Variants in CTNNA3 observed in about 807,000 individuals in gnomAD.
The protein encoded by CTNNA3 is catenin alpha-3.
Under a neutral mutation model 95.7 loss-of-function variants are expected in CTNNA3, and 76 were observed. The ratio of observed to expected loss-of-function variants is 0.79; its 90% CI spans 0.66 to 0.96. CTNNA3 has a LOEUF of 0.96. CTNNA3 is among the 40% of genes least tolerant of loss of function. The pLI, the probability that CTNNA3 is intolerant of heterozygous loss-of-function variation, is 0.00. For synonymous variants in CTNNA3, 431 were observed against 374.4 expected, an observed-to-expected ratio of 1.15 and a Z score of -1.74; for missense variants, 1,191 against 1,089.8, an observed-to-expected ratio of 1.09 and a Z score of -1.31.
At chr10:66,253,859 T>C (rs946837912) in intron 13 of CTNNA3, among the ~76,000 whole-genome samples, 2 of 152,196 alleles carry the variant, frequency 1.3e-5, no homozygotes, top group Non-Finnish European at 2.9e-5. Flanking sequence ...GAGTCCCTTG[T>C]GCATATTCCA....
At chr10:66,478,939 T>A (rs1425135758) in intron 11 of CTNNA3, among the ~76,000 whole-genome samples, 1 of 151,900 alleles carries the variant, frequency 6.6e-6, no homozygotes, top group Non-Finnish European at 1.5e-5. Flanking sequence ...TTTTCCCCCT[T>A]ATAGATAATA....
chr10:67,375,910 G>T (rs572811234), intron 5 of CTNNA3, among the ~76,000 whole-genome samples: 4 of 152,152 alleles, frequency 2.6e-5, no homozygotes, highest in Non-Finnish European at 4.4e-5. Flanking sequence ...CCTTTTGGGA[G>T]GTGATTAGTT....
chr10:66,496,545 T>C (rs1260435974), intron 11 of CTNNA3, among the ~76,000 whole-genome samples: 1 of 152,152 alleles, frequency 6.6e-6, no homozygotes, highest in Non-Finnish European at 1.5e-5. Context: ...CACAAATAAA[T>C]TCAGGTTTGA....
At chr10:66,640,302 T>C (rs996359188) in intron 9 of CTNNA3, among the ~76,000 whole-genome samples, 2 of 152,164 alleles carry the variant, frequency 1.3e-5, no homozygotes, top group African/African-American at 4.8e-5. Context: ...CACTAGGAAC[T>C]GTCCTAGGTT....
chr10:66,568,930 G>C (rs1207362642), intron 10 of CTNNA3, among the ~76,000 whole-genome samples: 1 of 151,880 alleles, frequency 6.6e-6, no homozygotes, highest in Non-Finnish European at 1.5e-5. Context: ...ACATCCTAAA[G>C]GAATGAGGAG....
At chr10:66,288,199 AC>A (rs1471007335) in intron 12 of CTNNA3, among the ~76,000 whole-genome samples, 5 of 152,132 alleles carry the variant, frequency 3.3e-5, no homozygotes, top group Non-Finnish European at 5.9e-5. Context: ...ATCTTCACAC[AC>A]ATTTTTAAAA....
intron 13 of CTNNA3, among the ~76,000 whole-genome samples, chr10:66,166,135 A>C (rs894250707): frequency 6.6e-6 from 1 of 152,094 alleles, no homozygotes; most frequent in African/African-American, 2.4e-5. Flanking sequence ...ACCTTCAAGA[A>C]GGTAACTGCA....
intron 14 of CTNNA3, among the ~76,000 whole-genome samples, chr10:66,074,209 T>C (rs974030851): frequency 7.1e-6 from 1 of 140,166 alleles, no homozygotes; most frequent in Non-Finnish European, 1.6e-5. Flanking sequence ...TATACAGATA[T>C]TATTCCACTC....
At chr10:66,986,438 A>C (rs1850732742) in intron 7 of CTNNA3, among the ~76,000 whole-genome samples, 1 of 152,160 alleles carries the variant, frequency 6.6e-6, no homozygotes, top group Non-Finnish European at 1.5e-5. Flanking sequence ...CAGAGGTTGC[A>C]ATAAGCCAAG....
At position 66,532,762 on chromosome 10, in the gene CTNNA3, T is replaced by C. The variant is rs534185016; in HGVS notation, c.1375-11989A>G. Among the ~76,000 whole-genome samples, 161 of 152,240 alleles carry C rather than the reference T, an allele frequency of 1.1e-3. 4 individuals carry two copies. Among genetic ancestry groups the C allele is most frequent in the Admixed American group, 9.8e-4 (15 of 15,296 alleles). On this transcript the variant is annotated intron_variant, in intron 10 of 17. Transcript: ENST00000433211. Reference sequence around the variant, plus strand: ...ACGTATATGAAATCTATGTAAGCAATGTTTTCCCTGAGTTGCAAGGGCATG... The same window carrying C: ...ACGTATATGAAATCTATGTAAGCAACGTTTTCCCTGAGTTGCAAGGGCATG...
intron 5 of CTNNA3, among the ~76,000 whole-genome samples, chr10:67,429,525 T>G (rs1846035101): frequency 6.6e-6 from 1 of 152,032 alleles, no homozygotes; most frequent in Non-Finnish European, 1.5e-5. Flanking sequence ...TATAGTTAGC[T>G]AAATAGAACT....
intron 9 of CTNNA3, among the ~76,000 whole-genome samples, chr10:66,762,173 T>C (rs1366782733): frequency 6.6e-6 from 1 of 152,132 alleles, no homozygotes; most frequent in Non-Finnish European, 1.5e-5. Flanking sequence ...ATAGATTTTA[T>C]TGGCAGAAGC....
intron 7 of CTNNA3, among the ~76,000 whole-genome samples, chr10:66,943,224 G>A (rs1178861054): frequency 1.3e-5 from 2 of 152,176 alleles, no homozygotes; most frequent in Non-Finnish European, 2.9e-5. Flanking sequence ...GTTTCTAAAT[G>A]ACACAAGATC....
At chr10:66,998,987 CA>C (rs1487638835) in intron 7 of CTNNA3, among the ~76,000 whole-genome samples, 1 of 152,092 alleles carries the variant, frequency 6.6e-6, no homozygotes, top group African/African-American at 2.4e-5. Context: ...CAGTATCACT[CA>C]GAACTTCTGT....
intron 13 of CTNNA3, among the ~76,000 whole-genome samples, chr10:66,162,725 G>T (rs933940702): frequency 6.6e-6 from 1 of 152,088 alleles, no homozygotes; most frequent in Non-Finnish European, 1.5e-5. Context: ...AGAGCATCAG[G>T]TATAGTAGTA....
intron 10 of CTNNA3, among the ~76,000 whole-genome samples, chr10:66,576,953 T>C (rs984068812): frequency 4.8e-5 from 6 of 124,370 alleles, no homozygotes; most frequent in African/African-American, 1.6e-4. Flanking sequence ...CTACCAGCAG[T>C]GTATAAGCGT....
chr10:67,574,032 T>A (rs530863716), intron 3 of CTNNA3, among the ~76,000 whole-genome samples: 75 of 152,298 alleles, frequency 4.9e-4, no homozygotes, highest in Non-Finnish European at 8.4e-4. Flanking sequence ...GAGTTGAAGT[T>A]CAGTTCAGAT....
chr10:67,416,428 G>A (rs1008753717), intron 5 of CTNNA3, among the ~76,000 whole-genome samples: 1 of 151,898 alleles, frequency 6.6e-6, no homozygotes, highest in Non-Finnish European at 1.5e-5. Context: ...CTAACACAGT[G>A]AAACCCTGTC....
chr10:66,230,780 G>C (rs945760230), intron 13 of CTNNA3, among the ~76,000 whole-genome samples: 2 of 152,126 alleles, frequency 1.3e-5, no homozygotes, highest in African/African-American at 4.8e-5. Flanking sequence ...GAATGAGTGT[G>C]TCAGGTCACT....
Sources: gnomAD v4.1 joint callset for allele counts (sites outside exome capture counted in the v4.1 genomes callset) on GRCh38, gnomAD v4.1.1 for gene constraint, MANE v1.5 for transcripts, NCBI Gene and HGNC (gene_info 2026-07-23, HGNC 2026-07-21) for gene names.